The following REV3L variants were observed in gnomAD, a reference collection of about 807,000 sequenced individuals.
REV3L encodes DNA polymerase zeta catalytic subunit.
In REV3L, 69 loss-of-function variants were observed where a neutral mutation model predicts 299.4. The ratio of observed to expected loss-of-function variants is 0.23; its 90% CI spans 0.19 to 0.28. The LOEUF is 0.28. Among genes scored for constraint, REV3L ranks in the 10% least tolerant of loss-of-function variants. The pLI is 1.00. For synonymous variants in REV3L, 1,238 were observed against 1,271.4 expected, an observed-to-expected ratio of 0.97 and a Z score of 0.56; for missense variants, 3,128 against 3,693.8, an observed-to-expected ratio of 0.85 and a Z score of 3.97.
At chr6:111,316,508 A>G (rs773757134) in intron 26 of REV3L, among the ~76,000 whole-genome samples, 7 of 152,010 alleles carry the variant, frequency 4.6e-5, no homozygotes, top group Non-Finnish European at 7.4e-5. Context: ...TACTAAAAAA[A>G]TACAAAAATT....
chr6:111,365,873 G>T lies in REV3L; in HGVS notation c.6674-529C>A, dbSNP rs150469941. Reference sequence around the variant, plus strand: ...ATTTTTCCCTGATTACTGTGCAAAAGAATTGGAAGTTACTAAGAGTAGATA... The same window carrying T: ...ATTTTTCCCTGATTACTGTGCAAAATAATTGGAAGTTACTAAGAGTAGATA... On this transcript the variant is annotated intron_variant, in intron 14 of 31. Transcript: ENST00000368802. 3.3e-4 allele frequency among the ~76,000 whole-genome samples: 50 copies of T among 152,238 alleles called. 1 individual carries two copies. The highest frequency in any genetic ancestry group is 2.6e-3 in the Admixed American group (39 of 15,290).
chr6:111,379,287 C>T (rs1453761060), intron 11 of REV3L, among the ~76,000 whole-genome samples: 2 of 152,196 alleles, frequency 1.3e-5, no homozygotes, highest in Admixed American at 6.5e-5. Flanking sequence ...TAACCTGTTT[C>T]ACCTTTCAGT....
chr6:111,381,903 G>A (rs1256711943), intron 9 of REV3L, among the ~76,000 whole-genome samples: 1 of 152,036 alleles, frequency 6.6e-6, no homozygotes, highest in South Asian at 2.1e-4. Context: ...ACTCTCTTTT[G>A]AATGCATAAA....
At chr6:111,405,672 C>A in intron 3 of REV3L, 42 bp from the exon 4 acceptor site, 1 of 1,333,950 alleles carries the variant, frequency 7.5e-7, no homozygotes, top group Non-Finnish European at 1.1e-6. Context: ...ATTATGTTCC[C>A]TAAAATGTTA....
intron 1 of REV3L, among the ~76,000 whole-genome samples, chr6:111,440,971 TTTC>T: frequency 6.6e-6 from 1 of 152,364 alleles, no homozygotes; most frequent in South Asian, 2.1e-4. Flanking sequence ...TAATTTTTGC[TTTC>T]TTCACATAGA....
intron 31 of REV3L, among the ~76,000 whole-genome samples, chr6:111,301,084 A>T (rs913678428): frequency 1.3e-5 from 2 of 152,024 alleles, no homozygotes; most frequent in Non-Finnish European, 2.9e-5. Context: ...GGTCTCTAAA[A>T]TGGCCACTCT....
chr6:111,415,190 G>A (rs575247500), intron 2 of REV3L, among the ~76,000 whole-genome samples: 2 of 152,144 alleles, frequency 1.3e-5, no homozygotes, highest in Admixed American at 6.5e-5. Flanking sequence ...AACACAAATT[G>A]CTGGGCCCCA....
At chr6:111,378,324 T>C (rs887753250) in intron 11 of REV3L, among the ~76,000 whole-genome samples, 8 of 152,226 alleles carry the variant, frequency 5.3e-5, no homozygotes, top group Non-Finnish European at 1.2e-4. Context: ...TTTCATCTCA[T>C]ATTGGTATTA....
rs535683512 is a variant in REV3L at position 111,367,076 on chromosome 6, A to G, written c.6673+39T>C. The G allele has an allele frequency of 1.7e-5, 25 of 1,433,978 alleles. No individual in the cohort carries two copies. The South Asian group carries it at 3.6e-4, about 21-fold the overall frequency. 88.8% of individuals were successfully genotyped at this position (1,433,978 alleles called of 1,614,324 possible). A position where few individuals can be genotyped will look rare whatever the true frequency, so the allele number is the denominator to read the frequency against. ...ATGTTATCTTCATTTCTATTTCTGA[A>G]GAACAATTATGGAGACTTCCTGTTA... On this transcript the variant is annotated intron_variant, in intron 14 of 31. Coordinates refer to ENST00000368802, the MANE Select transcript of REV3L (RefSeq NM_001372078.1).
At chr6:111,354,677 G>A (rs12215051) in intron 18 of REV3L, among the ~76,000 whole-genome samples, 17 of 152,180 alleles carry the variant, frequency 1.1e-4, no homozygotes, top group Non-Finnish European at 8.8e-5. Flanking sequence ...AGGTCTTGAT[G>A]ACTTGTTCTT....
rs1778955497 is a variant in REV3L, at chr6:111,363,989, A to AC, written c.6754-12_6754-11insG. The AC allele has an allele frequency of 1.9e-6, 3 of 1,601,654 alleles. No individual in the cohort carries two copies. In the African/African-American group the frequency reaches 4.0e-5, roughly 22 times the overall value. The stretch of plus-strand genomic sequence containing the variant: ...TGCTGCAAATTGATTCTATAAAAAA[A>AC]AACACACACACACACAGCCAGAAAA... On this transcript the variant is annotated splice_polypyrimidine_tract_variant and intron_variant, in intron 15 of 31. Coordinates refer to ENST00000368802, the MANE Select transcript of REV3L (RefSeq NM_001372078.1).
intron 1 of REV3L, among the ~76,000 whole-genome samples, chr6:111,471,096 AT>A (rs1179182704): frequency 6.6e-6 from 1 of 152,240 alleles, no homozygotes; most frequent in East Asian, 1.9e-4. Context: ...ATAATAAATC[AT>A]TTAGTCCACA....
At chr6:111,371,985 C>T (rs1363962865) in intron 13 of REV3L, among the ~76,000 whole-genome samples, 1 of 152,144 alleles carries the variant, frequency 6.6e-6, no homozygotes. Flanking sequence ...CACCACCATA[C>T]CCAGCCACCT....
intron 2 of REV3L, among the ~76,000 whole-genome samples, chr6:111,415,238 C>A (rs1784628072): frequency 6.6e-6 from 1 of 152,086 alleles, no homozygotes; most frequent in South Asian, 2.1e-4. Flanking sequence ...TGTGTCAGTC[C>A]CAGTCCTCCA....
intron 9 of REV3L, among the ~76,000 whole-genome samples, chr6:111,382,575 C>T (rs1210475088): frequency 6.6e-6 from 1 of 152,144 alleles, no homozygotes; most frequent in Non-Finnish European, 1.5e-5. Flanking sequence ...CTGCCCATCC[C>T]AGCAGTCCAG....
Position 111,376,681 on chromosome 6 carries a change from G to A in REV3L, c.1674C>T (p.Ser558=), listed in dbSNP as rs755513188. 2.2e-5 allele frequency: 36 copies of A among 1,609,526 alleles called. No homozygotes were observed. The highest frequency in any genetic ancestry group is 2.9e-5 in the Non-Finnish European group (34 of 1,179,594). Residue 558 remains serine, a synonymous_variant, in exon 13 of 32, where the codon TCC becomes TCT. Transcript: ENST00000368802. ...IATSKLSVKP[S]IFHKDAATLE... Reference sequence around the variant, plus strand: ...ATGTAGCAGCATCTTTGTGAAAGATGGAGGGTTTAACTGAAAGCTTGCTTG... The same window carrying A: ...ATGTAGCAGCATCTTTGTGAAAGATAGAGGGTTTAACTGAAAGCTTGCTTG...
intron 25 of REV3L, among the ~76,000 whole-genome samples, chr6:111,326,267 G>A (rs1774796413): frequency 6.6e-6 from 1 of 151,936 alleles, no homozygotes; most frequent in Admixed American, 6.6e-5. Context: ...AATATGTAAG[G>A]AACTCAAACA....
At chr6:111,426,092 G>A (rs1366776252) in intron 1 of REV3L, among the ~76,000 whole-genome samples, 1 of 152,190 alleles carries the variant, frequency 6.6e-6, no homozygotes, top group Non-Finnish European at 1.5e-5. Context: ...GGGCAGAAGT[G>A]CAGGGAGCCT....
At chr6:111,443,093 G>C (rs1327400776) in intron 1 of REV3L, among the ~76,000 whole-genome samples, 2 of 151,632 alleles carry the variant, frequency 1.3e-5, no homozygotes, top group African/African-American at 4.8e-5. Flanking sequence ...TTGCATTCTG[G>C]GTCTGTTTTT....
Sources: allele counts gnomAD v4.1 joint callset (sites outside exome capture counted in the v4.1 genomes callset), GRCh38; gene constraint gnomAD v4.1.1; transcripts MANE v1.5; gene names NCBI Gene and HGNC (gene_info 2026-07-23, HGNC 2026-07-21).